Variants in DEAF1 observed in about 807,000 individuals in gnomAD.
DEAF1 encodes the protein deformed epidermal autoregulatory factor 1 homolog.
In DEAF1, 53 loss-of-function variants were observed where a neutral mutation model predicts 58.9. The ratio of observed to expected loss-of-function variants is 0.90; its 90% CI spans 0.72 to 1.13. The LOEUF (loss-of-function observed/expected upper bound fraction) is 1.13. Among genes scored for constraint, DEAF1 ranks in the 50% most tolerant of loss-of-function variants. The pLI, the probability that DEAF1 is intolerant of heterozygous loss-of-function variation, is 0.00. For synonymous variants in DEAF1, 385 were observed against 340.4 expected (o/e 1.13, Z -1.44); for missense variants, 685 against 791.4 (o/e 0.87, Z 1.61).
At chr11:668,487 G>A (rs532167190) in intron 10 of DEAF1, among the ~76,000 whole-genome samples, 12 of 152,024 alleles carry the variant, frequency 7.9e-5, no homozygotes, top group African/African-American at 2.2e-4. Context: ...ATCACAGCTC[G>A]CTGCAACCTC....
At chr11:683,371 C>G (rs188536246) in intron 6 of DEAF1, among the ~76,000 whole-genome samples, 1 of 152,264 alleles carries the variant, frequency 6.6e-6, no homozygotes, top group East Asian at 1.9e-4. Context: ...AAGTTTAGGT[C>G]ATCCTTTGTC....
intron 4 of DEAF1, among the ~76,000 whole-genome samples, chr11:687,498 C>G (rs867332480): frequency 6.6e-6 from 1 of 152,140 alleles, no homozygotes; most frequent in Admixed American, 6.5e-5. Context: ...TTTTTGTTGT[C>G]GTTGTTGTTG....
intron 10 of DEAF1, among the ~76,000 whole-genome samples, chr11:670,081 GA>G (rs56213610): frequency 0.65 from 95,865 of 146,598 alleles, 31,470 homozygotes; most frequent in African/African-American, 0.79. Context: ...AAAGAGAAAA[GA>G]AAAAAAAAAA....
At chr11:695,807 C>A (rs1187603240), upstream of DEAF1, 3 of 1,234,046 alleles carry the variant, frequency 2.4e-6, no homozygotes, top group Non-Finnish European at 3.0e-6. Flanking sequence ...TCGCGACGGA[C>A]CGGCGGGCGG....
intron 7 of DEAF1, 198 bp from the exon 8 acceptor site, chr11:680,014 C>G (rs1860278389): frequency 1.5e-5 from 10 of 665,656 alleles, no homozygotes; most frequent in Non-Finnish European, 2.3e-5. Flanking sequence ...CCAGGATGGC[C>G]AGGATGGCAA....
chr11:671,218 G>C (rs575687585), intron 10 of DEAF1, among the ~76,000 whole-genome samples: 4 of 150,416 alleles, frequency 2.7e-5, no homozygotes, highest in Non-Finnish European at 3.0e-5. Flanking sequence ...GTGAGCCACC[G>C]CGCCTGGACT....
chr11:644,722 A>C lies in DEAF1; in HGVS notation c.1594-68T>G. ...GAGCAGGGTCTGGGCAGGGTCCCCA[A>C]GGCAGACCCCAGAGGGTGCAGCCCT... On this transcript the variant is annotated intron_variant, in intron 11 of 11. Coordinates refer to ENST00000382409, the MANE Select transcript of DEAF1 (RefSeq NM_021008.4). The surrounding 1 kb of genome is among the most constrained non-coding windows in gnomAD (Gnocchi z 4.3). 7.8e-7 allele frequency: 1 copy of C among 1,284,574 alleles called. No homozygotes were observed. The highest frequency in any genetic ancestry group is 2.5e-5 in the East Asian group (1 of 40,340). The allele number at this position is 1,284,574 out of a possible 1,614,324, so 79.6% of individuals were successfully genotyped here.
intron 10 of DEAF1, among the ~76,000 whole-genome samples, chr11:655,634 C>G (rs1859012165): frequency 6.6e-6 from 1 of 152,204 alleles, no homozygotes; most frequent in African/African-American, 2.4e-5. Flanking sequence ...GCCCCACGGC[C>G]CCTGCACGCG....
chr11:678,485 A>G (rs1860181733), intron 9 of DEAF1: 2 of 652,088 alleles, frequency 3.1e-6, no homozygotes, highest in East Asian at 7.0e-5. Context: ...CAACTTCCAC[A>G]GCACACACAT....
intron 1 of DEAF1, among the ~76,000 whole-genome samples, chr11:702,489 CATTT>C (rs1861542003): frequency 6.6e-6 from 1 of 152,158 alleles, no homozygotes; most frequent in Admixed American, 6.5e-5. Context: ...GTGACTGACC[CATTT>C]GTTTGCTAAA....
At chr11:671,162 T>G (rs1859808745) in intron 10 of DEAF1, among the ~76,000 whole-genome samples, 1 of 151,584 alleles carries the variant, frequency 6.6e-6, no homozygotes, top group Non-Finnish European at 1.5e-5. Flanking sequence ...TCTCCTGACC[T>G]CGTGATCCGC....
chr11:704,287 G>A (rs1428068485), intron 1 of DEAF1, among the ~76,000 whole-genome samples: 2 of 152,092 alleles, frequency 1.3e-5, no homozygotes, highest in African/African-American at 4.8e-5. Context: ...AGGGCAGGAG[G>A]CTGCGGGACT....
At chr11:698,733 GTA>G (rs1861311146), upstream of DEAF1, 2 of 1,013,896 alleles carry the variant, frequency 2.0e-6, no homozygotes, top group South Asian at 2.6e-5. Flanking sequence ...CAGGCCCACG[GTA>G]TATGTTTGCT....
chr11:673,084 G>A (rs912941159), intron 10 of DEAF1, among the ~76,000 whole-genome samples: 1 of 151,726 alleles, frequency 6.6e-6, no homozygotes, highest in South Asian at 2.1e-4. Context: ...AGGAAGTGGA[G>A]GTTGCAGTTA....
chr11:661,684 T>C (rs1275873878), intron 10 of DEAF1, among the ~76,000 whole-genome samples: 1 of 152,154 alleles, frequency 6.6e-6, no homozygotes, highest in Non-Finnish European at 1.5e-5. Context: ...CACTCCAGCC[T>C]GGGCAACAAG....
chr11:657,913 G>A (rs920500217), intron 10 of DEAF1, among the ~76,000 whole-genome samples: 5 of 152,102 alleles, frequency 3.3e-5, no homozygotes, highest in Admixed American at 2.0e-4. Context: ...AGGTGGCAGC[G>A]GGGACAAGGT....
At chr11:674,460 G>C in intron 10 of DEAF1, 76 bp downstream of exon 10, 1 of 1,606,568 alleles carries the variant, frequency 6.2e-7, no homozygotes, top group Non-Finnish European at 8.5e-7. Context: ...TGGGGCTTGC[G>C]CAGCTGGGCA....
intron 1 of DEAF1, chr11:700,290 G>A (rs1351582712): frequency 1.4e-5 from 20 of 1,481,142 alleles, no homozygotes; most frequent in Non-Finnish European, 1.8e-5. Context: ...ATTTTGGGAG[G>A]CTGAGGTGGG....
At chr11:673,730 G>A (rs115164907) in intron 10 of DEAF1, among the ~76,000 whole-genome samples, 1,721 of 152,146 alleles carry the variant, frequency 0.011, 26 homozygotes, top group African/African-American at 0.039. Flanking sequence ...GCAGACAGGC[G>A]CCCTCCTCTC....
Sources: allele counts gnomAD v4.1 joint callset (sites outside exome capture counted in the v4.1 genomes callset), GRCh38; gene constraint gnomAD v4.1.1; non-coding constraint Gnocchi (gnomAD v3.1); transcripts MANE v1.5; gene names NCBI Gene and HGNC (gene_info 2026-07-23, HGNC 2026-07-21).